The following TRIP12 variants were observed in gnomAD, a reference collection of about 807,000 sequenced individuals.
TRIP12 encodes the protein thyroid hormone receptor interactor 12.
A neutral mutation model predicts 244.2 loss-of-function variants in TRIP12; 25 were observed. The ratio of observed to expected loss-of-function variants is 0.10; its 90% CI spans 0.07 to 0.14. The LOEUF (loss-of-function observed/expected upper bound fraction) is 0.14, where lower values mean the gene tolerates loss of function less well. Ranked by LOEUF, TRIP12 falls within the 10% of genes least tolerant of loss-of-function variation. The pLI is 1.00. For synonymous variants in TRIP12, 905 were observed against 873.1 expected (o/e 1.04, Z -0.64); for missense variants, 1,677 against 2,486.4 (o/e 0.67, Z 6.92).
chr2:229,839,367 G>T (rs751562631), intron 5 of TRIP12, among the ~76,000 whole-genome samples: 6 of 152,068 alleles, frequency 3.9e-5, no homozygotes, highest in Non-Finnish European at 7.4e-5. Flanking sequence ...ATCTCAGAAC[G>T]TGTCCTCCTC....
At chr2:229,922,317 C>T, upstream of TRIP12, 1 of 594,834 alleles carries the variant, frequency 1.7e-6, no homozygotes, top group South Asian at 2.1e-5. Flanking sequence ...CCCCTCGGGT[C>T]ACCCGGGACC....
intron 21 of TRIP12, 122 bp from the exon 22 acceptor site, chr2:229,799,505 G>A (rs549401138): frequency 6.7e-5 from 56 of 829,988 alleles, no homozygotes; most frequent in East Asian, 5.4e-4. Flanking sequence ...GGCCGGGCGC[G>A]GTGGCTCACG....
chr2:229,914,552 G>C (rs1300784267), intron 1 of TRIP12, among the ~76,000 whole-genome samples: 1 of 152,156 alleles, frequency 6.6e-6, no homozygotes, highest in African/African-American at 2.4e-5. Flanking sequence ...TCAAGAGATG[G>C]GCTACTGTGA....
intron 1 of TRIP12, among the ~76,000 whole-genome samples, chr2:229,893,154 T>C (rs569971514): frequency 6.6e-6 from 1 of 152,266 alleles, no homozygotes; most frequent in African/African-American, 2.4e-5. Context: ...GTTTTACATA[T>C]GTTTTATTAC....
intron 4 of TRIP12, among the ~76,000 whole-genome samples, chr2:229,852,558 CAA>C (rs1269730806): frequency 6.6e-6 from 1 of 152,116 alleles, no homozygotes; most frequent in Admixed American, 6.6e-5. Flanking sequence ...TTAGGCTAAA[CAA>C]GAGACAGCTA....
chr2:229,886,834 T>C (rs549008491), intron 1 of TRIP12, among the ~76,000 whole-genome samples: 7 of 152,344 alleles, frequency 4.6e-5, no homozygotes, highest in African/African-American at 1.4e-4. Context: ...AAATACAAGA[T>C]TTAAGTTGAA....
chr2:229,810,231 T>C (rs1302586764), intron 15 of TRIP12, among the ~76,000 whole-genome samples: 3 of 152,200 alleles, frequency 2.0e-5, no homozygotes, highest in South Asian at 2.1e-4. Flanking sequence ...TTATAACGTA[T>C]AGATGTTGTC....
rs1434230796 is a variant in TRIP12 at position 229,778,750 on chromosome 2, A to C, written c.5209+126T>G. On this transcript the variant is annotated intron_variant, in intron 35 of 41. Transcript: ENST00000675903. This position sits in a 1 kb window ranked among gnomAD's most constrained non-coding sequence, Gnocchi z 4.1. ...ACAGGCCTTCCCTATTTGATAAATG[A>C]GAAAACAGAGGCTAAAAGAAAGCAA... 1 of 1,333,054 alleles carries C rather than the reference A, an allele frequency of 7.5e-7. No homozygotes were observed. Among genetic ancestry groups the C allele is most frequent in the African/African-American group, 1.5e-5 (1 of 68,130 alleles). The allele number at this position is 1,333,054 out of a possible 1,614,324, so 82.6% of individuals were successfully genotyped here.
chr2:229,802,986 C>T (rs563016076), intron 20 of TRIP12, among the ~76,000 whole-genome samples: 141 of 152,294 alleles, frequency 9.3e-4, no homozygotes, highest in Non-Finnish European at 1.6e-3. Flanking sequence ...GGGTTCCTAT[C>T]TGTCCCGGAA....
At chr2:229,841,612 A>G (rs962976525) in intron 4 of TRIP12, among the ~76,000 whole-genome samples, 6 of 152,196 alleles carry the variant, frequency 3.9e-5, no homozygotes, top group Middle Eastern at 3.2e-3. Flanking sequence ...ACCCTTGCCC[A>G]ACCCTCACAG....
intron 4 of TRIP12, among the ~76,000 whole-genome samples, chr2:229,841,789 C>G (rs1265325014): frequency 6.6e-6 from 1 of 152,184 alleles, no homozygotes; most frequent in Non-Finnish European, 1.5e-5. Flanking sequence ...GTCCTGGTCA[C>G]TTACTTCTTT....
At chr2:229,774,393 A>G (rs1400319949) in intron 37 of TRIP12, 132 bp from the exon 38 acceptor site, 3 of 871,996 alleles carry the variant, frequency 3.4e-6, no homozygotes, top group Non-Finnish European at 5.0e-6. Context: ...TAGCCTCTTT[A>G]TTTTTTTCCT....
rs868526973 is a variant in TRIP12 at position 229,823,356 on chromosome 2, G to A, written c.1451-4844C>T. 2.6e-5 allele frequency among the ~76,000 whole-genome samples: 4 copies of A among 151,966 alleles called. No individual in the cohort carries two copies. The South Asian group carries it at 8.3e-4, about 32-fold the overall frequency. On this transcript the variant is annotated intron_variant, in intron 8 of 41. Transcript: ENST00000675903. ...GTCCCATGCTGGATTGCAGTAGCCCGATCTCGGCTAACTGCAACCTCTGCT... is the reference window on the plus strand; with the variant it reads ...GTCCCATGCTGGATTGCAGTAGCCCAATCTCGGCTAACTGCAACCTCTGCT...
intron 1 of TRIP12, 40 bp downstream of exon 1, chr2:229,921,840 C>A (rs1396925996): frequency 7.2e-6 from 1 of 138,528 alleles, no homozygotes; most frequent in Non-Finnish European, 1.6e-5. Flanking sequence ...CCCCCTCCCC[C>A]AAGGCTTGCC....
At chr2:229,848,643 T>C (rs1323124371) in intron 4 of TRIP12, among the ~76,000 whole-genome samples, 1 of 151,878 alleles carries the variant, frequency 6.6e-6, no homozygotes, top group African/African-American at 2.4e-5. Flanking sequence ...AAGTACACGG[T>C]GACCAACAGT....
At chr2:229,898,855 C>T (rs565680668) in intron 1 of TRIP12, among the ~76,000 whole-genome samples, 1 of 151,862 alleles carries the variant, frequency 6.6e-6, no homozygotes, top group East Asian at 1.9e-4. Context: ...CCGCATCCAC[C>T]TAATTTATTT....
chr2:229,808,188 G>C (rs1379811883), intron 16 of TRIP12, 64 bp downstream of exon 16: 2 of 1,216,354 alleles, frequency 1.6e-6, no homozygotes, highest in Non-Finnish European at 2.4e-6. Context: ...GGCTGGTCTC[G>C]AACTCCTGAC....
chr2:229,796,569 C>G (rs763134069), intron 25 of TRIP12, 22 bp downstream of exon 25: 7 of 1,541,842 alleles, frequency 4.5e-6, no homozygotes, highest in Middle Eastern at 3.6e-4. Flanking sequence ...AAAAGATACA[C>G]AGGCATTATT....
Position 229,769,344 on chromosome 2 carries a change from G to C in TRIP12, c.5809-19C>G, listed in dbSNP as rs2033220515. 6.2e-7 allele frequency: 1 copy of C among 1,610,360 alleles called. No individual in the cohort carries two copies. Among genetic ancestry groups the C allele is most frequent in the Admixed American group, 1.7e-5 (1 of 59,868 alleles). ...GATCCAGCTGTGAGTTTAAATAAGG[G>C]TAAAAAGAATTACTAAGGAAACATT... On this transcript the variant is annotated intron_variant, in intron 39 of 41. Transcript: ENST00000675903.
Sources: gnomAD v4.1 joint callset for allele counts (sites outside exome capture counted in the v4.1 genomes callset) on GRCh38, gnomAD v4.1.1 for gene constraint, Gnocchi (gnomAD v3.1) non-coding constraint, MANE v1.5 for transcripts, NCBI Gene and HGNC (gene_info 2026-07-23, HGNC 2026-07-21) for gene names.